The following ZRANB3 variants were observed in gnomAD, a reference collection of about 807,000 sequenced individuals.
ZRANB3 encodes DNA annealing helicase and endonuclease ZRANB3.
ZRANB3 carries 125 observed loss-of-function variants against 133.8 expected under a neutral mutation model. That is an observed-to-expected ratio of 0.93 (90% confidence interval 0.81 to 1.08). ZRANB3 has a LOEUF of 1.08. Among genes scored for constraint, ZRANB3 ranks in the 50% least tolerant of loss-of-function variants. The pLI is 0.00. For synonymous variants in ZRANB3, 387 were observed against 432.7 expected (o/e 0.89, Z 1.31); for missense variants, 1,229 against 1,275.5 (o/e 0.96, Z 0.56).
At chr2:135,238,525 A>G (rs1695409887) in intron 12 of ZRANB3, among the ~76,000 whole-genome samples, 1 of 151,320 alleles carries the variant, frequency 6.6e-6, no homozygotes. Context: ...TATCACGCCC[A>G]GCTAATTTTT....
chr2:135,322,266 G>C (rs1683564709), intron 6 of ZRANB3, among the ~76,000 whole-genome samples: 1 of 152,122 alleles, frequency 6.6e-6, no homozygotes, highest in South Asian at 2.1e-4. Flanking sequence ...AAAATAGTGT[G>C]AATCTTATTC....
intron 11 of ZRANB3, among the ~76,000 whole-genome samples, 157 bp downstream of exon 11, chr2:135,268,805 T>C (rs1680370054): frequency 6.6e-6 from 1 of 152,176 alleles, no homozygotes; most frequent in African/African-American, 2.4e-5. Flanking sequence ...AAGGTACTAC[T>C]ACTGAAGCCT....
At chr2:135,291,956 T>C (rs926050828) in intron 8 of ZRANB3, among the ~76,000 whole-genome samples, 1 of 152,250 alleles carries the variant, frequency 6.6e-6, no homozygotes, top group Non-Finnish European at 1.5e-5. Flanking sequence ...TAGTATTCCA[T>C]GGTGTATATG....
chr2:135,335,172 A>G (rs1334373838), intron 6 of ZRANB3, among the ~76,000 whole-genome samples: 1 of 152,114 alleles, frequency 6.6e-6, no homozygotes, highest in Non-Finnish European at 1.5e-5. Flanking sequence ...ATCATGCAGC[A>G]TTTTTCCTCT....
At chr2:135,437,079 C>G (rs1689568339) in intron 2 of ZRANB3, among the ~76,000 whole-genome samples, 1 of 152,190 alleles carries the variant, frequency 6.6e-6, no homozygotes, top group Non-Finnish European at 1.5e-5. Flanking sequence ...CCTGCCTCCG[C>G]TTCCTAAGTA....
At chr2:135,273,309 T>C (rs970892737) in intron 9 of ZRANB3, among the ~76,000 whole-genome samples, 6 of 152,170 alleles carry the variant, frequency 3.9e-5, no homozygotes, top group African/African-American at 1.4e-4. Flanking sequence ...CCTTAAATAG[T>C]TGGAACATAT....
At chr2:135,349,647 C>T (rs1479310995) in intron 5 of ZRANB3, among the ~76,000 whole-genome samples, 1 of 152,092 alleles carries the variant, frequency 6.6e-6, no homozygotes, top group African/African-American at 2.4e-5. Context: ...CCCTAAGAAG[C>T]TTATAATGTA....
chr2:135,277,402 C>A (rs1014044965), intron 8 of ZRANB3, among the ~76,000 whole-genome samples: 1 of 152,030 alleles, frequency 6.6e-6, no homozygotes, highest in Non-Finnish European at 1.5e-5. Flanking sequence ...TATAAGCAAC[C>A]AACCAAAGAT....
rs142253659 is a variant in ZRANB3, at chr2:135,217,471, G to T, written c.2489C>A (p.Thr830Asn). ...ITKQQTKQNCTKRYITKEDVA... is the reference protein window; with the variant it reads ...ITKQQTKQNCNKRYITKEDVA... ...AAAAAAAGACAACTCATACCTTTTG[G>T]TGCAATTTTGTTTGGTTTGTTGCTT... Residue 830 changes from threonine (T) to asparagine (N), a missense_variant, in exon 17 of 21, where the codon ACC becomes AAC. Thr to Asn is a moderately conservative substitution (Grantham distance 65). Coordinates refer to ENST00000264159, the MANE Select transcript of ZRANB3 (RefSeq NM_032143.4). 9 of 1,605,404 alleles carry T rather than the reference G, an allele frequency of 5.6e-6. No individual in the cohort carries two copies. The Middle Eastern group carries it at 5.0e-4, about 89-fold the overall frequency.
chr2:135,437,161 T>C (rs547469671), intron 2 of ZRANB3, among the ~76,000 whole-genome samples: 1 of 152,316 alleles, frequency 6.6e-6, no homozygotes, highest in South Asian at 2.1e-4. Flanking sequence ...GGTTTCTCTA[T>C]GTTGGTCAGG....
chr2:135,284,397 G>A (rs986096104), intron 8 of ZRANB3, among the ~76,000 whole-genome samples: 1 of 152,148 alleles, frequency 6.6e-6, no homozygotes, highest in Non-Finnish European at 1.5e-5. Context: ...TATGACTCCT[G>A]GCTTTCAAAC....
intron 2 of ZRANB3, among the ~76,000 whole-genome samples, chr2:135,422,705 T>C (rs1688914883): frequency 6.6e-6 from 1 of 152,156 alleles, no homozygotes; most frequent in African/African-American, 2.4e-5. Flanking sequence ...AAGGTATTAC[T>C]GCAGGAGGAG....
chr2:135,382,907 C>G (rs1453114205), intron 3 of ZRANB3, among the ~76,000 whole-genome samples: 1 of 152,100 alleles, frequency 6.6e-6, no homozygotes, highest in Non-Finnish European at 1.5e-5. Flanking sequence ...TAAAGACCAT[C>G]GAGGCTAGGA....
intron 10 of ZRANB3, among the ~76,000 whole-genome samples, chr2:135,270,609 C>A (rs1203766494): frequency 6.6e-6 from 1 of 152,160 alleles, no homozygotes; most frequent in Non-Finnish European, 1.5e-5. Flanking sequence ...CTGGAACAGT[C>A]TAACAGATAA....
At chr2:135,291,109 G>C (rs1195445031) in intron 8 of ZRANB3, among the ~76,000 whole-genome samples, 1 of 151,978 alleles carries the variant, frequency 6.6e-6, no homozygotes, top group Non-Finnish European at 1.5e-5. Context: ...TGATCCACCT[G>C]TCTCGGCCTC....
In ZRANB3 at chr2:135,350,129, T is replaced by C. The variant is rs1255941009; in HGVS notation, c.446A>G (p.Gln149Arg). The change falls in exon 5 of 21, where the codon CAG (glutamine) becomes CGG (arginine). Residue 149 changes from glutamine to arginine, a missense_variant. Gln to Arg is a conservative substitution (Grantham distance 43). Transcript: ENST00000264159. The stretch of plus-strand genomic sequence containing the variant: ...ATCCACTATAACTACTTTGAAGTTC[T>C]GATTATTCAGTGCATCTATCAAAGT... ...AKTLIDALNN[Q>R]NFKVVIVDES... 1.2e-6 allele frequency: 2 copies of C among 1,613,722 alleles called. No individual in the cohort carries two copies. Among genetic ancestry groups the C allele is most frequent in the Admixed American group, 1.7e-5 (1 of 60,010 alleles).
Position 135,265,636 on chromosome 2 carries a change from A to T in ZRANB3, c.1437T>A (p.Ala479=), listed in dbSNP as rs758848106. 1.2e-6 allele frequency: 2 copies of T among 1,613,694 alleles called. No individual in the cohort carries two copies. ...CCCATTTTTCCTTATCACCTTCCTC[A>T]GCCTGAATTTTTTCTTTCCTACCGT... ...TLNGRKEKIQ[A]EEGDKEKWDF... is the part of the protein sequence containing the mutation. Residue 479 remains alanine (A), a synonymous_variant, in exon 12 of 21, where the codon GCT becomes GCA. Coordinates refer to ENST00000264159, the MANE Select transcript of ZRANB3 (RefSeq NM_032143.4).
intron 8 of ZRANB3, among the ~76,000 whole-genome samples, chr2:135,299,999 T>A (rs1174150905): frequency 1.3e-5 from 2 of 152,174 alleles, no homozygotes. Flanking sequence ...CCCATTTGTT[T>A]GGAAGGCTTT....
intron 8 of ZRANB3, among the ~76,000 whole-genome samples, chr2:135,285,879 T>C (rs1681335776): frequency 1.3e-5 from 2 of 152,202 alleles, no homozygotes; most frequent in Admixed American, 1.3e-4. Context: ...TCTGAAGAAT[T>C]TGTTTATTTT....
Sources: gnomAD v4.1 joint callset for allele counts (sites outside exome capture counted in the v4.1 genomes callset) on GRCh38, gnomAD v4.1.1 for gene constraint, MANE v1.5 for transcripts, NCBI Gene and HGNC (gene_info 2026-07-23, HGNC 2026-07-21) for gene names.